Variants in ADAMTS17 observed in about 807,000 individuals in gnomAD.
ADAMTS17 encodes the protein ADAM metallopeptidase with thrombospondin type 1 motif 17, also known as A disintegrin and metalloproteinase with thrombospondin motifs 17.
ADAMTS17 carries 113 observed loss-of-function variants against 141.5 expected under a neutral mutation model. That is an observed-to-expected ratio of 0.80 (90% CI 0.69 to 0.93). ADAMTS17 has a LOEUF of 0.93. ADAMTS17 is among the 40% of genes least tolerant of loss of function. The pLI is 0.00. For synonymous variants in ADAMTS17, 768 were observed against 630.6 expected (o/e 1.22, Z -3.27); for missense variants, 1,659 against 1,517.9 (o/e 1.09, Z -1.54).
rs542494259 is a variant in ADAMTS17, at chr15:100,051,620, T to C, written c.2407A>G (p.Ile803Val). ...CCTTCCCAGCCGCTGTGGGTCCAGA[T>C]GAACAAAGAGTCCTGCGGTTTTTCT... is the stretch of plus-strand genomic sequence containing the variant. ...EPEKPQDSLF[I>V]WTHSGWEGCS... The change falls in exon 17 of 22, where the codon ATC becomes GTC. Residue 803 changes from isoleucine to valine, a missense_variant. Coordinates refer to ENST00000268070, the MANE Select transcript of ADAMTS17 (RefSeq NM_139057.4). 1 of 1,614,180 alleles carries C rather than the reference T, an allele frequency of 6.2e-7. No homozygotes were observed. Among genetic ancestry groups the C allele is most frequent in the Admixed American group, 1.7e-5 (1 of 60,030 alleles).
At chr15:100,025,291 CCCTGGAATA>C (rs1440207945) in intron 18 of ADAMTS17, among the ~76,000 whole-genome samples, 1 of 152,050 alleles carries the variant, frequency 6.6e-6, no homozygotes, top group Non-Finnish European at 1.5e-5. Flanking sequence ...GTTTTTGCTT[CCCTGGAATA>C]CCTTTATTTT....
At chr15:100,028,109 C>A (rs2029863442) in intron 18 of ADAMTS17, among the ~76,000 whole-genome samples, 2 of 152,200 alleles carry the variant, frequency 1.3e-5, no homozygotes, top group Non-Finnish European at 2.9e-5. Context: ...ATCTGTGTCC[C>A]TGCTTCATCC....
chr15:100,300,108 G>T (rs1374622538), intron 3 of ADAMTS17, among the ~76,000 whole-genome samples: 1 of 152,150 alleles, frequency 6.6e-6, no homozygotes, highest in African/African-American at 2.4e-5. Flanking sequence ...TAGGGCTCTG[G>T]AGTCAGGGTT....
At chr15:100,051,543 C>T (rs371984612) in intron 17 of ADAMTS17, 29 bp downstream of exon 17, 5 of 1,612,374 alleles carry the variant, frequency 3.1e-6, no homozygotes, top group African/African-American at 2.7e-5. Context: ...AACCCCACAC[C>T]CAACAGGTCA....
chr15:100,159,031 A>G (rs1683611370), intron 8 of ADAMTS17, among the ~76,000 whole-genome samples: 1 of 152,224 alleles, frequency 6.6e-6, no homozygotes, highest in Non-Finnish European at 1.5e-5. Flanking sequence ...AGAATGCAAA[A>G]TGGTATAGAT....
At chr15:100,076,583 G>C (rs2034394355) in intron 15 of ADAMTS17, among the ~76,000 whole-genome samples, 2 of 152,204 alleles carry the variant, frequency 1.3e-5, no homozygotes, top group East Asian at 3.8e-4. Flanking sequence ...ACTGCTTGCA[G>C]TAGGTGTGGT....
chr15:100,193,264 G>A (rs191862165), intron 8 of ADAMTS17, among the ~76,000 whole-genome samples: 41 of 152,324 alleles, frequency 2.7e-4, no homozygotes, highest in East Asian at 2.1e-3. Context: ...GAGGTCTCCC[G>A]GGAGCTGACG....
intron 18 of ADAMTS17, among the ~76,000 whole-genome samples, chr15:100,021,756 G>A (rs140108215): frequency 1.3e-5 from 2 of 152,352 alleles, no homozygotes; most frequent in Non-Finnish European, 2.9e-5. Flanking sequence ...ATGAAGGTAA[G>A]GGGAACAAGC....
intron 7 of ADAMTS17, among the ~76,000 whole-genome samples, chr15:100,207,662 G>A (rs2141692800): frequency 2.0e-5 from 3 of 152,338 alleles, no homozygotes. Flanking sequence ...ATATGGTGGA[G>A]TGGGGGTGTT....
intron 15 of ADAMTS17, among the ~76,000 whole-genome samples, chr15:100,090,300 C>G (rs1236229391): frequency 6.6e-6 from 1 of 152,166 alleles, no homozygotes; most frequent in Non-Finnish European, 1.5e-5. Flanking sequence ...ACCAAACATA[C>G]CTGCAAACAA....
chr15:100,197,510 A>T (rs1419108079), intron 8 of ADAMTS17, among the ~76,000 whole-genome samples: 1 of 152,198 alleles, frequency 6.6e-6, no homozygotes, highest in East Asian at 1.9e-4. Context: ...GGATTTTAAG[A>T]ACTCAGAGGT....
chr15:100,254,058 T>G, intron 7 of ADAMTS17, 78 bp downstream of exon 7: 1 of 1,403,292 alleles, frequency 7.1e-7, no homozygotes, highest in Non-Finnish European at 1.0e-6. Context: ...GGACAGCTCC[T>G]CCACTGTGAC....
chr15:100,262,508 G>A, intron 4 of ADAMTS17, 73 bp from the exon 5 acceptor site: 1 of 1,124,982 alleles, frequency 8.9e-7, no homozygotes, highest in Non-Finnish European at 1.3e-6. Context: ...TCCTAGATGG[G>A]AACTTGGGAC....
At chr15:100,063,501 C>A (rs1428890120) in intron 15 of ADAMTS17, 1 of 407,648 alleles carries the variant, frequency 2.5e-6, no homozygotes, top group Non-Finnish European at 4.7e-6. Flanking sequence ...ATGGGGGTGG[C>A]TGCATGTTAG....
chr15:99,974,725 G>T (rs1335689888), intron 21 of ADAMTS17, among the ~76,000 whole-genome samples, 163 bp from the exon 22 acceptor site: 1 of 152,224 alleles, frequency 6.6e-6, no homozygotes, highest in Non-Finnish European at 1.5e-5. Context: ...AGGGCACTGG[G>T]GGTGCCACTT....
At chr15:100,310,062 A>G (rs988131546) in intron 3 of ADAMTS17, among the ~76,000 whole-genome samples, 9 of 152,226 alleles carry the variant, frequency 5.9e-5, no homozygotes, top group African/African-American at 2.2e-4. Context: ...TGGGAAATGC[A>G]TATTTATACT....
chr15:100,107,319 G>A (rs34571113), intron 14 of ADAMTS17, among the ~76,000 whole-genome samples: 39,570 of 152,052 alleles, frequency 0.26, 5,605 homozygotes, highest in East Asian at 0.38. Context: ...ACGCCTGGAA[G>A]CCAGCATCTG....
At chr15:100,147,214 C>T (rs1359306692) in intron 10 of ADAMTS17, among the ~76,000 whole-genome samples, 1 of 152,084 alleles carries the variant, frequency 6.6e-6, no homozygotes, top group African/African-American at 2.4e-5. Flanking sequence ...TTAAAAATTT[C>T]TCTCTTTTGT....
chr15:100,185,336 A>G (rs2040674635), intron 8 of ADAMTS17, among the ~76,000 whole-genome samples: 1 of 152,232 alleles, frequency 6.6e-6, no homozygotes, highest in South Asian at 2.1e-4. Flanking sequence ...CCACTGCTCA[A>G]CAGGGTACAC....
Sources: allele counts gnomAD v4.1 joint callset (sites outside exome capture counted in the v4.1 genomes callset), GRCh38; gene constraint gnomAD v4.1.1; transcripts MANE v1.5; gene names NCBI Gene and HGNC (gene_info 2026-07-23, HGNC 2026-07-21).